NREP: variants seen among roughly 807,000 people sequenced by gnomAD.
NREP encodes neuronal regeneration related protein, also known as neuronal regeneration-related protein.
In NREP, 5 loss-of-function variants were observed where a neutral mutation model predicts 8.6. That is an observed-to-expected ratio of 0.58 (90% confidence interval 0.30 to 1.22). The LOEUF (loss-of-function observed/expected upper bound fraction) is 1.22. NREP is among the 50% of genes most tolerant of loss of function. The pLI is 0.07. For synonymous variants in NREP, 27 were observed against 28.0 expected (o/e 0.96, Z 0.11); for missense variants, 86 against 82.5 (o/e 1.04, Z -0.17).
At chr5:111,771,232 G>A (rs1054669494) in intron 2 of NREP, among the ~76,000 whole-genome samples, 5 of 152,156 alleles carry the variant, frequency 3.3e-5, no homozygotes, top group African/African-American at 1.2e-4. Context: ...ATTTTCAGAA[G>A]TAGTATGTAA....
At chr5:111,797,136 A>G (rs1477960358) in intron 2 of NREP, among the ~76,000 whole-genome samples, 3 of 152,178 alleles carry the variant, frequency 2.0e-5, no homozygotes, top group Non-Finnish European at 4.4e-5. Flanking sequence ...ACTGGTAGCA[A>G]ATACACATAG....
intron 2 of NREP, among the ~76,000 whole-genome samples, chr5:111,936,470 T>C (rs973661667): frequency 1.3e-5 from 2 of 152,114 alleles, no homozygotes; most frequent in Non-Finnish European, 2.9e-5. Context: ...CTTTTGTTTA[T>C]AAATTACCCA....
intron 2 of NREP, among the ~76,000 whole-genome samples, chr5:111,899,149 T>C (rs1400089534): frequency 6.6e-6 from 1 of 152,116 alleles, no homozygotes; most frequent in African/African-American, 2.4e-5. Flanking sequence ...CACAAAAGTA[T>C]AAAACTAACT....
At position 111,888,259 on chromosome 5, in the gene NREP, A is replaced by G. The variant is rs570820908; in HGVS notation, c.135+87015T>C. Among the ~76,000 whole-genome samples, 164 of 152,286 alleles carry G rather than the reference A, an allele frequency of 1.1e-3. 1 individual carries two copies. The highest frequency in any genetic ancestry group is 3.7e-3 in the African/African-American group (152 of 41,564). ...AGTCTGTGCATTAGTCTGTTTTCAC[A>G]TTGCTGTGAAGAGATACCTGAGACT... On this transcript the variant is annotated intron_variant, in intron 2 of 3. Coordinates refer to the NREP transcript ENST00000395634.
intron 1 of NREP, chr5:111,756,319 A>G (rs1163556918): frequency 9.8e-5 from 4 of 40,984 alleles, no homozygotes; most frequent in Non-Finnish European, 1.3e-4. Context: ...AAAACCCTAC[A>G]CGGCGGGGGG....
chr5:111,921,154 C>G lies in NREP; in HGVS notation c.135+54120G>C, dbSNP rs574030106. Among the ~76,000 whole-genome samples, 5 of 151,990 alleles carry G rather than the reference C, an allele frequency of 3.3e-5. No homozygotes were observed. In the South Asian group the frequency reaches 1.0e-3, roughly 32 times the overall value. Reference sequence around the variant, plus strand: ...AGTTGATCTACCTCTCCTCTCTCCTCTCTCTCTCTCTTCTCACATTCCTCC... The same window carrying G: ...AGTTGATCTACCTCTCCTCTCTCCTGTCTCTCTCTCTTCTCACATTCCTCC... On this transcript the variant is annotated intron_variant, in intron 2 of 3. Coordinates refer to the NREP transcript ENST00000395634.
rs1307483902 is a variant in NREP at position 111,730,293 on chromosome 5, A to C, written c.*628T>G. 1 of 152,608 alleles carries C rather than the reference A, an allele frequency of 6.6e-6. No individual in the cohort carries two copies. Among genetic ancestry groups the C allele is most frequent in the East Asian group, 1.9e-4 (1 of 5,172 alleles). 9.5% of individuals were successfully genotyped at this position (152,608 alleles called of 1,614,324 possible). A position where few individuals can be genotyped will look rare whatever the true frequency, so the allele number is the denominator to read the frequency against. ...GGAAACAGAGTACCAACACCTTCTT[A>C]GAACATGGAAATAAAAAATAACTCC... On this transcript the variant is annotated 3_prime_UTR_variant, in exon 4 of 4. Transcript: ENST00000257435.
chr5:111,951,144 C>G (rs936271303), intron 2 of NREP, among the ~76,000 whole-genome samples: 5 of 152,034 alleles, frequency 3.3e-5, no homozygotes, highest in African/African-American at 9.7e-5. Flanking sequence ...ATGCATCCTT[C>G]TTGCTTTTTT....
At chr5:111,788,242 C>G (rs796426292) in intron 2 of NREP, among the ~76,000 whole-genome samples, 7 of 152,300 alleles carry the variant, frequency 4.6e-5, no homozygotes, top group African/African-American at 1.7e-4. Flanking sequence ...GCCAAAATGG[C>G]CAAAATATTT....
At chr5:111,848,181 T>C (rs994093026) in intron 2 of NREP, among the ~76,000 whole-genome samples, 2 of 152,218 alleles carry the variant, frequency 1.3e-5, no homozygotes, top group Non-Finnish European at 2.9e-5. Context: ...AAGAAGAATA[T>C]AATCAAACAT....
chr5:111,764,655 A>G (rs1284591628), intron 2 of NREP, among the ~76,000 whole-genome samples: 2 of 152,212 alleles, frequency 1.3e-5, no homozygotes, highest in Non-Finnish European at 2.9e-5. Flanking sequence ...CAGCCAAACT[A>G]TATCAAAGGT....
intron 2 of NREP, among the ~76,000 whole-genome samples, chr5:111,922,172 G>T (rs1755258454): frequency 6.6e-6 from 1 of 152,162 alleles, no homozygotes; most frequent in Non-Finnish European, 1.5e-5. Flanking sequence ...GAGTAGTCCA[G>T]GGGAGGTGAG....
rs184996446 is a variant in NREP, at chr5:111,947,170, T to C, written c.135+28104A>G. Among the ~76,000 whole-genome samples the C allele has an allele frequency of 3.9e-5, 6 of 152,176 alleles. No individual in the cohort carries two copies. The East Asian group carries it at 1.2e-3, about 29-fold the overall frequency. On this transcript the variant is annotated intron_variant, in intron 2 of 3. Coordinates refer to the NREP transcript ENST00000395634. ...AAGTCCCTATTTTTGTATCCACTCC[T>C]CCACAATATCTCATAGTTGTCTGTA...
intron 2 of NREP, among the ~76,000 whole-genome samples, chr5:111,821,707 C>A (rs1316524075): frequency 1.3e-5 from 2 of 152,096 alleles, no homozygotes; most frequent in African/African-American, 4.8e-5. Flanking sequence ...TGTTGAGTTT[C>A]ATGTCCTTTC....
At chr5:111,938,276 C>T (rs2112611300) in intron 2 of NREP, among the ~76,000 whole-genome samples, 1 of 152,182 alleles carries the variant, frequency 6.6e-6, no homozygotes, top group East Asian at 1.9e-4. Flanking sequence ...TTTCCTTTTC[C>T]AGTTATCCTA....
intron 2 of NREP, among the ~76,000 whole-genome samples, chr5:111,858,206 C>G (rs1458771312): frequency 1.3e-5 from 2 of 152,120 alleles, no homozygotes; most frequent in African/African-American, 4.8e-5. Context: ...GGTGTTTTAA[C>G]CAGCCTCCCA....
chr5:111,801,375 G>A (rs529243386), intron 2 of NREP, among the ~76,000 whole-genome samples: 3 of 152,098 alleles, frequency 2.0e-5, no homozygotes, highest in East Asian at 3.8e-4. Context: ...CTTTAAATTC[G>A]AAAAGAAGGC....
chr5:111,863,770 A>C (rs1408194365), intron 2 of NREP, among the ~76,000 whole-genome samples: 1 of 152,170 alleles, frequency 6.6e-6, no homozygotes, highest in Non-Finnish European at 1.5e-5. Flanking sequence ...TCTTTCTTTC[A>C]AAGATGGCTC....
rs186087972 is a variant in NREP, at chr5:111,789,356, G to A, written c.136-53849C>T. Among the ~76,000 whole-genome samples the A allele has an allele frequency of 3.8e-4, 58 of 152,168 alleles. 1 individual carries two copies. The highest frequency in any genetic ancestry group is 2.0e-3 in the Admixed American group (31 of 15,280). ...AACTACCACATTTAATGATGCATGC[G>A]GAAGTTTCCACTTAAACATATTTTT... On this transcript the variant is annotated intron_variant, in intron 2 of 3. Transcript: ENST00000395634.
Sources: gnomAD v4.1 joint callset for allele counts (sites outside exome capture counted in the v4.1 genomes callset) on GRCh38, gnomAD v4.1.1 for gene constraint, MANE v1.5 for transcripts, NCBI Gene and HGNC (gene_info 2026-07-23, HGNC 2026-07-21) for gene names.